The following ARHGAP35 variants were observed in gnomAD, a reference collection of about 807,000 sequenced individuals.
The protein encoded by ARHGAP35 is Rho GTPase activating protein 35.
ARHGAP35 carries 15 observed loss-of-function variants against 111.1 expected under a neutral mutation model. That is an observed-to-expected ratio of 0.13 (90% CI 0.09 to 0.21). ARHGAP35 has a LOEUF of 0.21. Among genes scored for constraint, ARHGAP35 ranks in the 10% least tolerant of loss-of-function variants. The pLI is 1.00. For synonymous variants in ARHGAP35, 643 were observed against 710.3 expected, an observed-to-expected ratio of 0.91 and a Z score of 1.51; for missense variants, 1,262 against 1,873.0, an observed-to-expected ratio of 0.67 and a Z score of 6.02.
At chr19:46,873,759 CT>C (rs1201363786) in intron 1 of ARHGAP35, among the ~76,000 whole-genome samples, 1 of 128,884 alleles carries the variant, frequency 7.8e-6, no homozygotes, top group Admixed American at 7.8e-5. Flanking sequence ...TTTTTTTTTT[CT>C]TTTTTGAGAC....
chr19:46,883,568 C>T (rs77337912), intron 1 of ARHGAP35, among the ~76,000 whole-genome samples: 16,860 of 152,116 alleles, frequency 0.11, 1,075 homozygotes, highest in Middle Eastern at 0.23. Flanking sequence ...CACAGATGAC[C>T]ATAATAGAAT....
At chr19:46,895,320 C>T (rs1223017606) in intron 1 of ARHGAP35, among the ~76,000 whole-genome samples, 2 of 152,092 alleles carry the variant, frequency 1.3e-5, no homozygotes, top group Admixed American at 1.3e-4. Flanking sequence ...CTCACCACCA[C>T]GCCCGGCTAA....
In ARHGAP35 at chr19:46,878,876, A is replaced by G. The variant is rs116227356; in HGVS notation, c.-189+17667A>G. 7.9e-3 allele frequency among the ~76,000 whole-genome samples: 1,203 copies of G among 151,912 alleles called. 8 individuals carry two copies. Among genetic ancestry groups the G allele is most frequent in the African/African-American group, 0.027 (1,126 of 41,354 alleles). On this transcript the variant is annotated intron_variant, in intron 1 of 6. Transcript: ENST00000672722. The stretch of plus-strand genomic sequence containing the variant: ...CCTTGATGCTGATGGCTTCTGACTC[A>G]TGGTGGTGGTTACTGAAGGTTGGGC...
chr19:46,885,639 T>A (rs760463635), intron 1 of ARHGAP35, among the ~76,000 whole-genome samples: 3 of 152,202 alleles, frequency 2.0e-5, no homozygotes, highest in Admixed American at 6.6e-5. Flanking sequence ...GGTATTTGGA[T>A]GGGCATAGTA....
In ARHGAP35 at chr19:47,000,685, G is replaced by A. The variant is rs375865125; in HGVS notation, c.4497G>A (p.Leu1499=). 2.5e-4 allele frequency: 395 copies of A among 1,575,934 alleles called. 1 individual carries two copies. In the African/African-American group the frequency reaches 4.7e-3, roughly 19 times the overall value. ...CCCAGCTTCAAGCCGAACACACGCTGTGAGCCACCAAGACCTGGGGCGACA... is the reference window on the plus strand; with the variant it reads ...CCCAGCTTCAAGCCGAACACACGCTATGAGCCACCAAGACCTGGGGCGACA... ...LPSQLQAEHT[L] Residue 1499 remains leucine (L), a synonymous_variant, in exon 7 of 7, where the codon CTG becomes CTA. Coordinates refer to ENST00000672722, the MANE Select transcript of ARHGAP35 (RefSeq NM_004491.5). The surrounding 1 kb of genome is among the most constrained non-coding windows in gnomAD (Gnocchi z 6.9).
At chr19:46,967,807 C>T (rs2122285492) in intron 3 of ARHGAP35, among the ~76,000 whole-genome samples, 1 of 152,350 alleles carries the variant, frequency 6.6e-6, no homozygotes, top group East Asian at 1.9e-4. Context: ...CCCGCACTGC[C>T]TTTCCTTGCT....
chr19:46,929,480 G>A (rs1387588207), intron 2 of ARHGAP35, among the ~76,000 whole-genome samples: 1 of 151,714 alleles, frequency 6.6e-6, no homozygotes, highest in Non-Finnish European at 1.5e-5. Flanking sequence ...AACTTGGCAA[G>A]CCATGGGTGT....
At chr19:46,879,805 G>C (rs894195742) in intron 1 of ARHGAP35, among the ~76,000 whole-genome samples, 1 of 140,228 alleles carries the variant, frequency 7.1e-6, no homozygotes, top group Non-Finnish European at 1.5e-5. Context: ...AAAAAAAATC[G>C]CTGGGTGCAG....
chr19:46,952,042 T>G (rs928384661), intron 3 of ARHGAP35, among the ~76,000 whole-genome samples: 2 of 152,216 alleles, frequency 1.3e-5, no homozygotes, highest in African/African-American at 4.8e-5. Context: ...AGTAATTTAT[T>G]GTATATTTCA....
intron 1 of ARHGAP35, among the ~76,000 whole-genome samples, chr19:46,904,699 A>G (rs1412339955): frequency 6.6e-6 from 1 of 152,166 alleles, no homozygotes; most frequent in Admixed American, 6.5e-5. Context: ...GCGTTTATCC[A>G]GTGGATGAGA....
intron 3 of ARHGAP35, among the ~76,000 whole-genome samples, chr19:46,940,099 G>A (rs918836739): frequency 9.9e-5 from 15 of 151,954 alleles, no homozygotes; most frequent in Admixed American, 7.9e-4. Context: ...AGGCCGGGGC[G>A]GTGGCTCACG....
At position 47,004,747 on chromosome 19, in the gene ARHGAP35, A is replaced by G. The variant is rs1276749687; in HGVS notation, c.*4059A>G. 1 of 152,582 alleles carries G rather than the reference A, an allele frequency of 6.6e-6. No individual in the cohort carries two copies. The highest frequency in any genetic ancestry group is 1.5e-5 in the Non-Finnish European group (1 of 68,054). 9.5% of individuals were successfully genotyped at this position (152,582 alleles called of 1,614,324 possible). ...TTTCGCAGCAAAAGTGAAGACCTGT[A>G]TGTAAAGAAAGTATAACAATTATTT... On this transcript the variant is annotated 3_prime_UTR_variant, in exon 7 of 7. Transcript: ENST00000672722.
rs1158996893 is a variant in ARHGAP35 at position 46,993,109 on chromosome 19, G to A, written c.4036+3434G>A. Among the ~76,000 whole-genome samples the A allele has an allele frequency of 6.6e-6, 1 of 152,238 alleles. No individual in the cohort carries two copies. Among genetic ancestry groups the A allele is most frequent in the African/African-American group, 2.4e-5 (1 of 41,466 alleles). Reference sequence around the variant, plus strand: ...ATGTGGTCCCAGGCTCAGTCTGGTGGGACAGGACATTCAACAGGTGATTGC... The same window carrying A: ...ATGTGGTCCCAGGCTCAGTCTGGTGAGACAGGACATTCAACAGGTGATTGC... On this transcript the variant is annotated intron_variant, in intron 5 of 6. Transcript: ENST00000672722. This position sits in a 1 kb window ranked among gnomAD's most constrained non-coding sequence, Gnocchi z 4.6.
At chr19:46,932,110 C>G (rs546673827) in intron 2 of ARHGAP35, among the ~76,000 whole-genome samples, 1 of 152,098 alleles carries the variant, frequency 6.6e-6, no homozygotes, top group Non-Finnish European at 1.5e-5. Flanking sequence ...GGTGAAATCC[C>G]GTCTTTACTA....
chr19:46,880,440 G>A (rs1410231549), intron 1 of ARHGAP35, among the ~76,000 whole-genome samples: 3 of 151,910 alleles, frequency 2.0e-5, no homozygotes, highest in South Asian at 4.2e-4. Flanking sequence ...CAAAAAAAAA[G>A]AAGCAATTCC....
At position 46,912,305 on chromosome 19, in the gene ARHGAP35, A is replaced by G. The variant is rs1389014581; in HGVS notation, c.-188-6183A>G. ...GTGATCCACCTGCCTCGGCCTCCCA[A>G]AGTGCTGGGATTACAGGCATGAGTC... On this transcript the variant is annotated intron_variant, in intron 1 of 6. Coordinates refer to ENST00000672722, the MANE Select transcript of ARHGAP35 (RefSeq NM_004491.5). Among the ~76,000 whole-genome samples, 4 of 150,972 alleles carry G rather than the reference A, an allele frequency of 2.6e-5. No homozygotes were observed. The East Asian group carries it at 7.9e-4, about 30-fold the overall frequency.
At chr19:46,975,626 G>A (rs916264261) in intron 3 of ARHGAP35, among the ~76,000 whole-genome samples, 1 of 141,588 alleles carries the variant, frequency 7.1e-6, no homozygotes, top group Non-Finnish European at 1.6e-5. Context: ...GGCAGAGGCC[G>A]TTCACAGCCC....
intron 3 of ARHGAP35, among the ~76,000 whole-genome samples, chr19:46,957,154 G>T (rs983773394): frequency 4.0e-5 from 6 of 151,590 alleles, no homozygotes; most frequent in African/African-American, 2.4e-5. Context: ...ATAGAGACGG[G>T]GTTTCACCAT....
chr19:47,000,347 A>G lies in ARHGAP35; in HGVS notation c.4159A>G (p.Lys1387Glu), dbSNP rs2056739341. The change falls in exon 7 of 7, where the codon AAG becomes GAG. Residue 1387 changes from lysine to glutamate, a missense_variant. This residue lies in a region of ARHGAP35 where 50 missense variants were observed against 60.5 expected (regional missense o/e 0.83). Coordinates refer to ENST00000672722, the MANE Select transcript of ARHGAP35 (RefSeq NM_004491.5). The surrounding 1 kb of genome is among the most constrained non-coding windows in gnomAD (Gnocchi z 6.9). ...CGCCCGCAGGGTCAGCCACAACAAC[A>G]AGGTGAATCTCATGACCAGCGAGAA... ...SHLNKVSHNN[K>E]VNLMTSENLS... 1 of 1,613,720 alleles carries G rather than the reference A, an allele frequency of 6.2e-7. No homozygotes were observed.
Sources: allele counts gnomAD v4.1 joint callset (sites outside exome capture counted in the v4.1 genomes callset), GRCh38; gene constraint gnomAD v4.1.1; regional missense constraint gnomAD v4.1.1; non-coding constraint Gnocchi (gnomAD v3.1); transcripts MANE v1.5; gene names NCBI Gene and HGNC (gene_info 2026-07-23, HGNC 2026-07-21).